The following CPNE7 variants were observed in gnomAD, a reference collection of about 807,000 sequenced individuals.
CPNE7 encodes the protein copine 7.
Under a neutral mutation model 66.5 loss-of-function variants are expected in CPNE7, and 78 were observed. The ratio of observed to expected loss-of-function variants is 1.17; its 90% confidence interval spans 0.98 to 1.42. The LOEUF is 1.42. CPNE7 is among the 40% of genes most tolerant of loss of function. The pLI is 0.00. For synonymous variants in CPNE7, 468 were observed against 336.7 expected (o/e 1.39, Z -4.27); for missense variants, 1,012 against 776.6 (o/e 1.30, Z -3.60).
At chr16:89,588,596 G>T in intron 9 of CPNE7, 79 bp from the exon 10 acceptor site, 2 of 1,580,814 alleles carry the variant, frequency 1.3e-6, no homozygotes, top group East Asian at 2.2e-5. Flanking sequence ...GGCCACTCTG[G>T]GCGTGGTTTC....
intron 9 of CPNE7, among the ~76,000 whole-genome samples, chr16:89,587,400 G>A (rs1391222928): frequency 2.5e-5 from 3 of 119,602 alleles, no homozygotes; most frequent in African/African-American, 6.5e-5. Flanking sequence ...GGGCACTGGC[G>A]GTTCCCCGTG....
chr16:89,587,434 C>T (rs1234602507), intron 9 of CPNE7: 4 of 394,144 alleles, frequency 1.0e-5, no homozygotes, highest in Non-Finnish European at 2.0e-5. Flanking sequence ...ATGCGCGGCT[C>T]CTGGGGGTCC....
chr16:89,590,914 G>C (rs1261966968), intron 11 of CPNE7, 93 bp from the exon 12 acceptor site: 4 of 1,353,952 alleles, frequency 3.0e-6, no homozygotes, highest in Non-Finnish European at 4.1e-6. Flanking sequence ...GGACATGGGG[G>C]CTGGGGACGG....
rs368937177 is a variant in CPNE7, at chr16:89,594,559, C to T, written c.1303-808C>T. Reference sequence around the variant, plus strand: ...GAGCCCTGCTTCTCTTTATGTTTCCCGTTGTCCACAGTTTGGGCAAGATTA... The same window carrying T: ...GAGCCCTGCTTCTCTTTATGTTTCCTGTTGTCCACAGTTTGGGCAAGATTA... On this transcript the variant is annotated intron_variant, in intron 13 of 14. Coordinates refer to ENST00000319518, the MANE Select transcript of CPNE7 (RefSeq NM_153636.3). 6.6e-5 allele frequency among the ~76,000 whole-genome samples: 10 copies of T among 151,452 alleles called. No homozygotes were observed. In the South Asian group the frequency reaches 1.0e-3, roughly 16 times the overall value.
intron 10 of CPNE7, 127 bp downstream of exon 10, chr16:89,588,935 C>G: frequency 2.6e-6 from 3 of 1,146,884 alleles, no homozygotes; most frequent in East Asian, 5.1e-5. Flanking sequence ...GCCGGTTTTC[C>G]CTCACCCCCC....
chr16:89,584,435 G>A lies in CPNE7; in HGVS notation c.507+333G>A, dbSNP rs1299309159. Among the ~76,000 whole-genome samples the A allele has an allele frequency of 6.6e-6, 1 of 152,224 alleles. No individual in the cohort carries two copies. Among genetic ancestry groups the A allele is most frequent in the Non-Finnish European group, 1.5e-5 (1 of 68,032 alleles). On this transcript the variant is annotated intron_variant, in intron 4 of 14. Coordinates refer to ENST00000319518, the MANE Select transcript of CPNE7 (RefSeq NM_153636.3). The surrounding 1 kb of genome is among the most constrained non-coding windows in gnomAD (Gnocchi z 6.0). ...ACTGGAACAGCGCGCGGTTCTGCGG[G>A]CTCGTCACGTGGGTGGGCAGAACAG...
rs2059162023 is a variant in CPNE7 at position 89,591,141 on chromosome 16, G to T, written c.1183G>T (p.Val395Leu). 3.7e-6 allele frequency: 6 copies of T among 1,611,498 alleles called. No homozygotes were observed. Among genetic ancestry groups the T allele is most frequent in the Non-Finnish European group, 5.1e-6 (6 of 1,179,172 alleles). The change falls in exon 13 of 15, where the codon GTG becomes TTG. Residue 395 changes from valine to leucine, a missense_variant. Physicochemically the swap from Val to Leu is conservative, Grantham distance 32. Coordinates refer to ENST00000319518, the MANE Select transcript of CPNE7 (RefSeq NM_153636.3). ...DDECEGIQGV[V>L]EAYQNCLPRV... is the part of the protein sequence containing the mutation. Reference sequence around the variant, plus strand: ...GCCCCCCACAGGCATCCAGGGCGTGGTGGAGGCCTACCAGAACTGCCTGCC... The same window carrying T: ...GCCCCCCACAGGCATCCAGGGCGTGTTGGAGGCCTACCAGAACTGCCTGCC...
intron 14 of CPNE7, chr16:89,595,943 A>C (rs2059248340): frequency 1.9e-6 from 1 of 527,094 alleles, no homozygotes; most frequent in Non-Finnish European, 3.7e-6. Flanking sequence ...CTACCCGCCG[A>C]GACACACACA....
chr16:89,586,660 C>T lies in CPNE7; in HGVS notation c.781-10C>T, dbSNP rs778057028. 12 of 1,611,262 alleles carry T rather than the reference C, an allele frequency of 7.4e-6. No homozygotes were observed. Among genetic ancestry groups the T allele is most frequent in the African/African-American group, 1.3e-5 (1 of 74,612 alleles). ...CCACTCTGGGGGGCCTCTGCTTGTT[C>T]CTGCCCCAGGCCCAGTGGGACTGTG... On this transcript the variant is annotated splice_polypyrimidine_tract_variant and intron_variant, in intron 7 of 14. Transcript: ENST00000319518.
intron 2 of CPNE7, 85 bp downstream of exon 2, chr16:89,577,806 G>GGAC (rs2058884364): frequency 7.0e-7 from 1 of 1,426,616 alleles, no homozygotes; most frequent in African/African-American, 1.4e-5. Context: ...AGCACCGCAG[G>GGAC]GACCCTGCTG....
Position 89,581,066 on chromosome 16 carries a change from C to T in CPNE7, c.358-2631C>T, listed in dbSNP as rs115385829. On this transcript the variant is annotated intron_variant, in intron 2 of 14. Coordinates refer to ENST00000319518, the MANE Select transcript of CPNE7 (RefSeq NM_153636.3). ...CCGTAACCCATCACATGGAACATCC[C>T]GTCACCTGTCACACGGAACATCCCA... is the stretch of plus-strand genomic sequence containing the variant. Among the ~76,000 whole-genome samples, 386 of 148,988 alleles carry T rather than the reference C, an allele frequency of 2.6e-3. 3 individuals carry two copies. Among genetic ancestry groups the T allele is most frequent in the African/African-American group, 8.8e-3 (354 of 40,294 alleles).
rs899217961 is a variant in CPNE7 at position 89,584,472 on chromosome 16, G to A, written c.508-302G>A. 6.6e-6 allele frequency among the ~76,000 whole-genome samples: 1 copy of A among 152,304 alleles called. No homozygotes were observed. The highest frequency in any genetic ancestry group is 1.5e-5 in the Non-Finnish European group (1 of 68,012). ...GGTGGGCAGAACAGGGTCCAACCCC[G>A]CCATGTAGGGCGTCTCCCTGGAGGG... On this transcript the variant is annotated intron_variant, in intron 4 of 14. Transcript: ENST00000319518. This position sits in a 1 kb window ranked among gnomAD's most constrained non-coding sequence, Gnocchi z 6.0.
In CPNE7 at chr16:89,589,885, C is replaced by A; in HGVS notation, c.1062-12C>A. The A allele has an allele frequency of 1.2e-6, 2 of 1,613,700 alleles. No individual in the cohort carries two copies. The highest frequency in any genetic ancestry group is 1.7e-6 in the Non-Finnish European group (2 of 1,179,948). On this transcript the variant is annotated splice_polypyrimidine_tract_variant and intron_variant, in intron 10 of 14. Coordinates refer to ENST00000319518, the MANE Select transcript of CPNE7 (RefSeq NM_153636.3). ...GTCAGGGCCTCCTGGTGACCTCCTG[C>A]CTCTCTTCCAGTGACAAGAGGTTTT... is the stretch of plus-strand genomic sequence containing the variant.
At chr16:89,576,425 A>T (rs1195066607) in intron 1 of CPNE7, among the ~76,000 whole-genome samples, 1 of 149,390 alleles carries the variant, frequency 6.7e-6, no homozygotes, top group Admixed American at 6.6e-5. Context: ...GCGCAAGGAG[A>T]TTGAGGGGTG....
chr16:89,592,107 C>T (rs945391794), intron 13 of CPNE7, among the ~76,000 whole-genome samples: 3 of 150,806 alleles, frequency 2.0e-5, no homozygotes, highest in Non-Finnish European at 2.9e-5. Context: ...CTCCCAGGTT[C>T]GCGCCATTCT....
At chr16:89,592,810 C>CTTTTTT (rs57297283) in intron 13 of CPNE7, among the ~76,000 whole-genome samples, 277 of 106,302 alleles carry the variant, frequency 2.6e-3, no homozygotes, top group African/African-American at 4.7e-3. Context: ...TTTTTCTTTT[C>CTTTTTT]TTTTTTTTTT....
At chr16:89,594,222 G>T (rs1358544796) in intron 13 of CPNE7, 1 of 151,900 alleles carries the variant, frequency 6.6e-6, no homozygotes, top group African/African-American at 2.4e-5. Context: ...ATCTGGGGTT[G>T]GGAGGGGGTG....
At chr16:89,591,749 G>C (rs1025237510) in intron 13 of CPNE7, among the ~76,000 whole-genome samples, 1 of 151,652 alleles carries the variant, frequency 6.6e-6, no homozygotes, top group Admixed American at 6.6e-5. Flanking sequence ...ACCCAGGCTG[G>C]AGTGCAGTGA....
chr16:89,588,593 C>G lies in CPNE7; in HGVS notation c.928-82C>G. On this transcript the variant is annotated intron_variant, in intron 9 of 14. Coordinates refer to ENST00000319518, the MANE Select transcript of CPNE7 (RefSeq NM_153636.3). ...CCCCTGACCCTGAGTCCTGGCCACT[C>G]TGGGCGTGGTTTCTCTACCTGTCAG... The G allele has an allele frequency of 7.0e-6, 11 of 1,574,760 alleles. No individual in the cohort carries two copies. In the South Asian group the frequency reaches 8.0e-5, roughly 11 times the overall value.
Sources: allele counts gnomAD v4.1 joint callset (sites outside exome capture counted in the v4.1 genomes callset), GRCh38; gene constraint gnomAD v4.1.1; non-coding constraint Gnocchi (gnomAD v3.1); transcripts MANE v1.5; gene names NCBI Gene and HGNC (gene_info 2026-07-23, HGNC 2026-07-21).